Variants in PSMA3 observed in about 807,000 individuals in gnomAD.
PSMA3 encodes proteasome subunit alpha type-3.
A neutral mutation model predicts 40.0 loss-of-function variants in PSMA3; 8 were observed. The ratio of observed to expected loss-of-function variants is 0.20; its 90% CI spans 0.12 to 0.36. The LOEUF (loss-of-function observed/expected upper bound fraction) is 0.36, where lower values mean the gene tolerates loss of function less well. Ranked by LOEUF, PSMA3 falls within the 10% of genes least tolerant of loss-of-function variation. The pLI is 1.00. For synonymous variants in PSMA3, 110 were observed against 100.0 expected, an observed-to-expected ratio of 1.10 and a Z score of -0.59; for missense variants, 219 against 310.6, an observed-to-expected ratio of 0.70 and a Z score of 2.22.
Position 58,246,293 on chromosome 14 carries a change from A to G in PSMA3, c.21+1352A>G, listed in dbSNP as rs570288284. Among the ~76,000 whole-genome samples the G allele has an allele frequency of 3.3e-5, 5 of 152,326 alleles. No homozygotes were observed. In the East Asian group the frequency reaches 9.6e-4, roughly 29 times the overall value. On this transcript the variant is annotated intron_variant, in intron 1 of 10. Coordinates refer to ENST00000216455, the MANE Select transcript of PSMA3 (RefSeq NM_002788.4). ...CTCCTCACCTTGCCATTTTGCATCT[A>G]CTACAGTCTTCAGCTCAGTGAATGG...
At chr14:58,259,283 A>G (rs1320212543) in intron 5 of PSMA3, among the ~76,000 whole-genome samples, 3 of 152,126 alleles carry the variant, frequency 2.0e-5, no homozygotes, top group African/African-American at 7.2e-5. Flanking sequence ...TAAGAATAGT[A>G]GAGATAACTT....
Position 58,257,800 on chromosome 14 carries a change from A to C in PSMA3, c.284A>C (p.Glu95Ala). Residue 95 changes from glutamate (E) to alanine (A), a missense_variant, in exon 4 of 11, where the codon GAA becomes GCA. Physicochemically the swap from Glu to Ala is moderately radical, Grantham distance 107. Transcript: ENST00000216455. The part of the protein sequence containing the change: ...ARSLADIARE[E>A]ASNFRSNFGY... ...TCTTTAGCAGACATAGCAAGAGAAG[A>C]AGCTTCCAACTTCAGATCTAACTTT... 1 of 1,613,704 alleles carries C rather than the reference A, an allele frequency of 6.2e-7. No homozygotes were observed. Among genetic ancestry groups the C allele is most frequent in the Non-Finnish European group, 8.5e-7 (1 of 1,179,714 alleles).
chr14:58,258,520 A>G (rs904436245), intron 5 of PSMA3: 2 of 151,802 alleles, frequency 1.3e-5, no homozygotes, highest in East Asian at 1.9e-4. Context: ...CAAGGAACTG[A>G]TAACAATGAC....
chr14:58,263,223 G>C (rs1392274279), intron 6 of PSMA3, among the ~76,000 whole-genome samples: 1 of 151,920 alleles, frequency 6.6e-6, no homozygotes, highest in Admixed American at 6.6e-5. Context: ...GACCTGAGGT[G>C]ATCTGCCCAC....
intron 5 of PSMA3, chr14:58,258,287 A>G: frequency 3.5e-6 from 1 of 282,892 alleles, no homozygotes. Flanking sequence ...AAAAAATTTA[A>G]AATTTAGCCA....
chr14:58,271,984 C>A lies in PSMA3; in HGVS notation c.*89C>A. ...TGGATTATACATACTGTCCAATTTT[C>A]ATTAAATTTTTGTCTTATAACTATT... On this transcript the variant is annotated 3_prime_UTR_variant, in exon 11 of 11. Transcript: ENST00000216455. 1.0e-6 allele frequency: 1 copy of A among 998,518 alleles called. No individual in the cohort carries two copies. Among genetic ancestry groups the A allele is most frequent in the South Asian group, 1.5e-5 (1 of 65,860 alleles). The allele number at this position is 998,518 out of a possible 1,614,324, so 61.9% of individuals were successfully genotyped here. A position where few individuals can be genotyped will look rare whatever the true frequency, so the allele number is the denominator to read the frequency against.
chr14:58,253,687 G>A lies in PSMA3; in HGVS notation c.228+1445G>A, dbSNP rs559062421. Among the ~76,000 whole-genome samples, 8 of 152,186 alleles carry A rather than the reference G, an allele frequency of 5.3e-5. No homozygotes were observed. In the East Asian group the frequency reaches 1.4e-3, roughly 26 times the overall value. On this transcript the variant is annotated intron_variant, in intron 3 of 10. Transcript: ENST00000216455. ...CAGCTCACTGCAACCTCTGCCTCCCGGGTTCAAGCAATTCTCCTGCCTCAG... is the reference window on the plus strand; with the variant it reads ...CAGCTCACTGCAACCTCTGCCTCCCAGGTTCAAGCAATTCTCCTGCCTCAG...
rs184406144 is a variant in PSMA3 at position 58,270,364 on chromosome 14, C to G, written c.591-54C>G. 7 of 1,602,676 alleles carry G rather than the reference C, an allele frequency of 4.4e-6. No homozygotes were observed. In the East Asian group the frequency reaches 1.6e-4, roughly 36 times the overall value. On this transcript the variant is annotated intron_variant, in intron 8 of 10. Coordinates refer to ENST00000216455, the MANE Select transcript of PSMA3 (RefSeq NM_002788.4). ...TTTGTACTGACTTTGGGTCTGTGAA[C>G]TACTTCAATGTTTGGAGGTTACCAA...
At chr14:58,268,589 AGCT>A (rs1458663169) in intron 8 of PSMA3, 1 of 152,192 alleles carries the variant, frequency 6.6e-6, no homozygotes, top group African/African-American at 2.4e-5. Flanking sequence ...CATGCAGCAG[AGCT>A]GCTAAGAAAG....
intron 6 of PSMA3, 112 bp downstream of exon 6, chr14:58,261,132 G>C: frequency 1.8e-6 from 1 of 560,162 alleles, no homozygotes; most frequent in Non-Finnish European, 2.9e-6. Flanking sequence ...TTCAAGGAAA[G>C]TAATTTTTCT....
intron 3 of PSMA3, among the ~76,000 whole-genome samples, chr14:58,253,490 T>A (rs1386080236): frequency 6.6e-6 from 1 of 152,244 alleles, no homozygotes; most frequent in Non-Finnish European, 1.5e-5. Flanking sequence ...TGGTAAAGTA[T>A]AACCAGTAAA....
chr14:58,255,945 G>A (rs532862971), intron 3 of PSMA3, among the ~76,000 whole-genome samples: 2 of 152,068 alleles, frequency 1.3e-5, no homozygotes, highest in Non-Finnish European at 2.9e-5. Context: ...TGCAGCCTCC[G>A]CCTCCCGAGT....
At chr14:58,246,579 C>T (rs1274232113) in intron 1 of PSMA3, among the ~76,000 whole-genome samples, 1 of 151,788 alleles carries the variant, frequency 6.6e-6, no homozygotes, top group Non-Finnish European at 1.5e-5. Flanking sequence ...TTGTATTTTT[C>T]GTAGAGATGA....
At chr14:58,255,870 T>G (rs1192540879) in intron 3 of PSMA3, among the ~76,000 whole-genome samples, 1 of 152,218 alleles carries the variant, frequency 6.6e-6, no homozygotes, top group Non-Finnish European at 1.5e-5. Context: ...GTTTTTGTTT[T>G]TGTTTTGAGA....
At chr14:58,271,078 G>GCAGCA (rs1890604502) in intron 10 of PSMA3, 80 bp downstream of exon 10, 1 of 972,832 alleles carries the variant, frequency 1.0e-6, no homozygotes, top group Non-Finnish European at 1.5e-6. Context: ...ACCAGCCTGA[G>GCAGCA]CAGCACAGCA....
chr14:58,261,407 GTCC>G (rs1890277489), intron 6 of PSMA3, among the ~76,000 whole-genome samples: 1 of 151,404 alleles, frequency 6.6e-6, no homozygotes, highest in Non-Finnish European at 1.5e-5. Context: ...TTGAATTCCA[GTCC>G]TCAAGAGATC....
chr14:58,244,859 CT>C lies in PSMA3; in HGVS notation c.-61del. The C allele has an allele frequency of 1.9e-6, 3 of 1,612,842 alleles. No individual in the cohort carries two copies. Among genetic ancestry groups the C allele is most frequent in the Non-Finnish European group, 2.5e-6 (3 of 1,178,800 alleles). ...GGGCCTGTTACTAGTTTGCGGCATC[CT>C]GTGGTATAGGGGAAGCGCTCCGGGC... On this transcript the variant is annotated 5_prime_UTR_variant, in exon 1 of 11. Coordinates refer to ENST00000216455, the MANE Select transcript of PSMA3 (RefSeq NM_002788.4).
intron 10 of PSMA3, 88 bp downstream of exon 10, chr14:58,271,086 G>A: frequency 5.0e-6 from 4 of 803,504 alleles, no homozygotes; most frequent in Non-Finnish European, 7.6e-6. Context: ...GAGCAGCACA[G>A]CAAGACCCCC....
At chr14:58,246,237 T>C (rs934813504) in intron 1 of PSMA3, among the ~76,000 whole-genome samples, 1 of 152,206 alleles carries the variant, frequency 6.6e-6, no homozygotes. Flanking sequence ...AGTCATTTCG[T>C]ACTGCATGTG....
Sources: allele counts gnomAD v4.1 joint callset (sites outside exome capture counted in the v4.1 genomes callset), GRCh38; gene constraint gnomAD v4.1.1; transcripts MANE v1.5; gene names NCBI Gene and HGNC (gene_info 2026-07-23, HGNC 2026-07-21).